BFSP1: variants seen among roughly 807,000 people sequenced by gnomAD.
The protein encoded by BFSP1 is filensin.
In BFSP1, 38 loss-of-function variants were observed where a neutral mutation model predicts 43.9. The ratio of observed to expected loss-of-function variants is 0.87; its 90% CI spans 0.67 to 1.14. The LOEUF is 1.14. BFSP1 is among the 50% of genes most tolerant of loss of function. BFSP1 has a pLI of 0.00. For missense variants in BFSP1, 850 were observed against 875.1 expected, an observed-to-expected ratio of 0.97 and a Z score of 0.36; for synonymous variants, 352 against 354.8, an observed-to-expected ratio of 0.99 and a Z score of 0.09.
At position 17,553,824 on chromosome 20, in the gene BFSP1, CATAT is replaced by C. The variant is rs1182274438; in HGVS notation, c.2+4860_2+4863del. On this transcript the variant is annotated intron_variant, in intron 1 of 7. Coordinates refer to the BFSP1 transcript ENST00000377868. ...ACACACACACACACACACACACACA[CATAT>C]ATATATATACACATATATATACATA... Among the ~76,000 whole-genome samples the C allele has an allele frequency of 5.3e-4, 39 of 73,382 alleles. 1 individual carries two copies. Among genetic ancestry groups the C allele is most frequent in the South Asian group, 2.5e-3 (7 of 2,772 alleles). The allele number at this position is 73,382 out of a possible 152,430, so 48.1% of individuals were successfully genotyped here. A position where few individuals can be genotyped will look rare whatever the true frequency, so the allele number is the denominator to read the frequency against.
intron 1 of BFSP1, among the ~76,000 whole-genome samples, chr20:17,527,493 C>T (rs953831943): frequency 7.9e-5 from 12 of 151,996 alleles, no homozygotes; most frequent in Admixed American, 1.3e-4. Context: ...TTTAGGAGGC[C>T]GAGGCGGGCA....
chr20:17,499,830 A>C (rs2033752814), intron 5 of BFSP1, among the ~76,000 whole-genome samples: 1 of 152,160 alleles, frequency 6.6e-6, no homozygotes, highest in Non-Finnish European at 1.5e-5. Context: ...CTGAGGCAGG[A>C]GAATCACTTG....
At chr20:17,552,932 A>T (rs944441601) in intron 1 of BFSP1, among the ~76,000 whole-genome samples, 13 of 152,238 alleles carry the variant, frequency 8.5e-5, no homozygotes, top group African/African-American at 3.1e-4. Flanking sequence ...TCAAGGACAG[A>T]CATAAATTTG....
upstream of BFSP1, among the ~76,000 whole-genome samples, chr20:17,532,664 G>C (rs1016963450): frequency 2.0e-5 from 3 of 151,408 alleles, no homozygotes; most frequent in African/African-American, 7.3e-5. Context: ...TTAAGGACAA[G>C]CTTTTAAAAT....
chr20:17,505,916 T>C (rs1327106307), intron 5 of BFSP1, among the ~76,000 whole-genome samples: 1 of 152,220 alleles, frequency 6.6e-6, no homozygotes, highest in African/African-American at 2.4e-5. Flanking sequence ...CCTTTTCCCC[T>C]TGGTGCTACA....
At chr20:17,543,377 C>G (rs943486476) in intron 1 of BFSP1, among the ~76,000 whole-genome samples, 1 of 152,124 alleles carries the variant, frequency 6.6e-6, no homozygotes, top group Non-Finnish European at 1.5e-5. Flanking sequence ...GCGTCATGAC[C>G]GACTAAAACC....
intron 2 of BFSP1, chr20:17,517,250 C>T: frequency 8.5e-7 from 1 of 1,172,172 alleles, no homozygotes; most frequent in Non-Finnish European, 1.3e-6. Flanking sequence ...GCCACTATGA[C>T]AGACATTATT....
intron 1 of BFSP1, among the ~76,000 whole-genome samples, chr20:17,553,588 G>A (rs993614666): frequency 2.6e-5 from 4 of 151,694 alleles, no homozygotes; most frequent in African/African-American, 9.7e-5. Context: ...AATATACAGT[G>A]TGTCAGTTGC....
At chr20:17,502,552 GCA>G (rs1473891639) in intron 5 of BFSP1, among the ~76,000 whole-genome samples, 2 of 152,182 alleles carry the variant, frequency 1.3e-5, no homozygotes, top group African/African-American at 4.8e-5. Context: ...AGATTTTAGT[GCA>G]GTCTATTAAT....
intron 1 of BFSP1, among the ~76,000 whole-genome samples, chr20:17,544,514 T>C (rs1322384743): frequency 6.6e-6 from 1 of 152,200 alleles, no homozygotes; most frequent in African/African-American, 2.4e-5. Flanking sequence ...TTTTAATAGA[T>C]CAGCTCTCTA....
intron 1 of BFSP1, among the ~76,000 whole-genome samples, chr20:17,527,136 G>A (rs1032219457): frequency 2.6e-5 from 4 of 152,218 alleles, no homozygotes; most frequent in African/African-American, 9.6e-5. Flanking sequence ...AAAACCATCT[G>A]CGAAGCTGAG....
At chr20:17,503,984 A>C (rs1384003170) in intron 5 of BFSP1, among the ~76,000 whole-genome samples, 1 of 152,174 alleles carries the variant, frequency 6.6e-6, no homozygotes, top group African/African-American at 2.4e-5. Context: ...AGTGGAGTGC[A>C]ATCTTTTTAT....
At chr20:17,502,997 G>A (rs756736612) in intron 5 of BFSP1, among the ~76,000 whole-genome samples, 9 of 152,160 alleles carry the variant, frequency 5.9e-5, no homozygotes, top group South Asian at 2.1e-4. Context: ...GGGATGGGGC[G>A]GGAGGGCTCA....
chr20:17,513,998 C>G (rs1053577315), intron 3 of BFSP1, among the ~76,000 whole-genome samples: 25 of 152,214 alleles, frequency 1.6e-4, no homozygotes, highest in African/African-American at 5.8e-4. Flanking sequence ...AGTTCCCCAA[C>G]ACCCCACTAC....
intron 1 of BFSP1, among the ~76,000 whole-genome samples, chr20:17,553,028 A>C (rs1337344498): frequency 6.6e-6 from 1 of 152,238 alleles, no homozygotes; most frequent in Non-Finnish European, 1.5e-5. Context: ...AAAGAGAAGA[A>C]GTCTAAGAAC....
chr20:17,567,113 A>C (rs1305401033), intron 1 of BFSP1, among the ~76,000 whole-genome samples: 1 of 151,818 alleles, frequency 6.6e-6, no homozygotes, highest in Non-Finnish European at 1.5e-5. Flanking sequence ...TTGTATGAAA[A>C]CTCTTTCCCT....
At chr20:17,535,992 G>A (rs1052195410), upstream of BFSP1, among the ~76,000 whole-genome samples, 1 of 151,844 alleles carries the variant, frequency 6.6e-6, no homozygotes, top group Non-Finnish European at 1.5e-5. Flanking sequence ...ACCCACACTG[G>A]TCTCGAACTC....
intron 1 of BFSP1, among the ~76,000 whole-genome samples, chr20:17,546,940 C>T (rs995599753): frequency 6.7e-6 from 1 of 148,700 alleles, no homozygotes. Context: ...AGGAGAATTG[C>T]TTGAACCTGG....
At chr20:17,510,839 G>A (rs952633392) in intron 4 of BFSP1, among the ~76,000 whole-genome samples, 1 of 152,308 alleles carries the variant, frequency 6.6e-6, no homozygotes, top group Admixed American at 6.5e-5. Flanking sequence ...GGTCATCCTT[G>A]CAAAAAGACC....
Sources: gnomAD v4.1 joint callset for allele counts (sites outside exome capture counted in the v4.1 genomes callset) on GRCh38, gnomAD v4.1.1 for gene constraint, MANE v1.5 for transcripts, NCBI Gene and HGNC (gene_info 2026-07-23, HGNC 2026-07-21) for gene names.